SUMO3: variants seen among roughly 807,000 people sequenced by gnomAD.
SUMO3 encodes small ubiquitin like modifier 3, also known as small ubiquitin-related modifier 3.
SUMO3 carries 2 observed loss-of-function variants against 11.1 expected under a neutral mutation model. The ratio of observed to expected loss-of-function variants is 0.18; its 90% CI spans 0.07 to 0.57. The LOEUF (loss-of-function observed/expected upper bound fraction) is 0.57. Among genes scored for constraint, SUMO3 ranks in the 20% least tolerant of loss-of-function variants. SUMO3 has a pLI of 0.92. For missense variants in SUMO3, 70 were observed against 132.8 expected (o/e 0.53, Z 2.32); for synonymous variants, 56 against 53.5 (o/e 1.05, Z -0.20).
At chr21:44,812,914 C>T (rs907953941) in intron 2 of SUMO3, among the ~76,000 whole-genome samples, 4 of 152,258 alleles carry the variant, frequency 2.6e-5, no homozygotes, top group Admixed American at 6.5e-5. Context: ...GGCTGGATCA[C>T]GGGGCCTACA....
At position 44,806,649 on chromosome 21, in the gene SUMO3, T is replaced by G; in HGVS notation, c.*302A>C. 2.0e-6 allele frequency: 1 copy of G among 499,974 alleles called. No homozygotes were observed. 31.0% of individuals were successfully genotyped at this position (499,974 alleles called of 1,614,324 possible). A position where few individuals can be genotyped will look rare whatever the true frequency, so the allele number is the denominator to read the frequency against. ...TAAAAGCGAACATTCAGGCTATAAT[T>G]TTGGGGTTAAAAAAATGTTGTAGGA... is the stretch of plus-strand genomic sequence containing the variant. On this transcript the variant is annotated 3_prime_UTR_variant, in exon 4 of 4. Transcript: ENST00000332859.
chr21:44,810,273 T>C lies in SUMO3; in HGVS notation c.151-1155A>G, dbSNP rs886478516. On this transcript the variant is annotated intron_variant, in intron 2 of 3. Coordinates refer to ENST00000332859, the MANE Select transcript of SUMO3 (RefSeq NM_006936.3). This position sits in a 1 kb window ranked among gnomAD's most constrained non-coding sequence, Gnocchi z 4.1. ...AGGACAAAGAAAACGGGAGTGGGGATGGGCAGATATGTCAATGCTGGGCTG... is the reference window on the plus strand; with the variant it reads ...AGGACAAAGAAAACGGGAGTGGGGACGGGCAGATATGTCAATGCTGGGCTG... 1.3e-5 allele frequency among the ~76,000 whole-genome samples: 2 copies of C among 152,100 alleles called. No homozygotes were observed. Among genetic ancestry groups the C allele is most frequent in the Admixed American group, 6.5e-5 (1 of 15,268 alleles).
At chr21:44,813,765 T>C in intron 2 of SUMO3, 41 of 1,458,860 alleles carry the variant, frequency 2.8e-5, no homozygotes, top group Non-Finnish European at 3.5e-5. Context: ...TCCGAGCCTC[T>C]AGGTCCCTCC....
chr21:44,817,079 T>G (rs1473411656), intron 1 of SUMO3, among the ~76,000 whole-genome samples: 13 of 47,526 alleles, frequency 2.7e-4, no homozygotes, highest in African/African-American at 2.5e-4. Context: ...TAGGGAGGGG[T>G]GGGCGCACAC....
In SUMO3 at chr21:44,807,963, G is replaced by A. The variant is rs59498244; in HGVS notation, c.223-923C>T. Reference sequence around the variant, plus strand: ...AGGTTTCCTCAAGTAGGTACAAATGGATACTTGTTGCAAAGATGTTTTCAA... The same window carrying A: ...AGGTTTCCTCAAGTAGGTACAAATGAATACTTGTTGCAAAGATGTTTTCAA... On this transcript the variant is annotated intron_variant, in intron 3 of 3. Coordinates refer to ENST00000332859, the MANE Select transcript of SUMO3 (RefSeq NM_006936.3). The surrounding 1 kb of genome is among the most constrained non-coding windows in gnomAD (Gnocchi z 4.3). 9.6e-3 allele frequency among the ~76,000 whole-genome samples: 1,467 copies of A among 152,320 alleles called. 23 individuals carry two copies. The highest frequency in any genetic ancestry group is 0.033 in the African/African-American group (1,380 of 41,552).
intron 2 of SUMO3, among the ~76,000 whole-genome samples, chr21:44,812,053 CTTTTTTTTT>C (rs386394862): frequency 1.2e-5 from 1 of 80,960 alleles, no homozygotes; most frequent in African/African-American, 4.5e-5. Context: ...AACTTCTCAC[CTTTTTTTTT>C]TTTTTTTTTT....
intron 1 of SUMO3, among the ~76,000 whole-genome samples, chr21:44,816,646 T>C (rs2083245143): frequency 6.6e-6 from 1 of 152,178 alleles, no homozygotes; most frequent in Admixed American, 6.5e-5. Context: ...AAAGGTTCTC[T>C]TTTTATGAAC....
chr21:44,808,353 AT>A (rs1346787119), intron 3 of SUMO3: 1 of 484,064 alleles, frequency 2.1e-6, no homozygotes, highest in Admixed American at 4.2e-5. Flanking sequence ...TCTACTAAAA[AT>A]ACAAAAAAAT....
At position 44,814,080 on chromosome 21, in the gene SUMO3, G is replaced by T. The variant is rs770045480; in HGVS notation, c.46C>A (p.His16Asn). The change falls in exon 2 of 4, where the codon CAC becomes AAC. Residue 16 changes from histidine (H) to asparagine (N), a missense_variant. Transcript: ENST00000332859. Reference sequence around the variant, plus strand: ...TGCCCGGCCACCTTCAGGTTGATGTGGTCATTCTCTGTCTTCACACCCTCC... The same window carrying T: ...TGCCCGGCCACCTTCAGGTTGATGTTGTCATTCTCTGTCTTCACACCCTCC... The part of the protein sequence containing the change: ...PKEGVKTEND[H>N]INLKVAGQDG... The T allele has an allele frequency of 6.2e-7, 1 of 1,613,962 alleles. No homozygotes were observed. Among genetic ancestry groups the T allele is most frequent in the African/African-American group, 1.3e-5 (1 of 75,038 alleles).
At position 44,814,121 on chromosome 21, in the gene SUMO3, A is replaced by G. The variant is rs767972690; in HGVS notation, c.22-17T>C. 1 of 1,605,718 alleles carries G rather than the reference A, an allele frequency of 6.2e-7. No homozygotes were observed. The highest frequency in any genetic ancestry group is 8.5e-7 in the Non-Finnish European group (1 of 1,173,158). On this transcript the variant is annotated splice_polypyrimidine_tract_variant and intron_variant, in intron 1 of 3. Transcript: ENST00000332859. ...CACACCCTCCTGCAGAAGACACCAG[A>G]GACTGGCCTCAAAACTGTGTCTCAA...
At chr21:44,808,647 G>A (rs2083192849) in intron 3 of SUMO3, 17 of 1,382,748 alleles carry the variant, frequency 1.2e-5, no homozygotes, top group Non-Finnish European at 1.5e-5. Context: ...ATAATCAGGG[G>A]TTATGGCACA....
intron 1 of SUMO3, among the ~76,000 whole-genome samples, chr21:44,814,714 C>T (rs759261678): frequency 1.8e-4 from 27 of 152,216 alleles, no homozygotes; most frequent in Non-Finnish European, 3.5e-4. Context: ...CCACAGCAGG[C>T]GGCCAGGCTC....
At chr21:44,816,054 G>A (rs894228184) in intron 1 of SUMO3, among the ~76,000 whole-genome samples, 2 of 152,170 alleles carry the variant, frequency 1.3e-5, no homozygotes, top group African/African-American at 4.8e-5. Context: ...GGGCTCAGAG[G>A]GGACCCACCA....
In SUMO3 at chr21:44,806,201, G is replaced by C. The variant is rs1042100044; in HGVS notation, c.*750C>G. The C allele has an allele frequency of 7.9e-5, 12 of 151,996 alleles. No homozygotes were observed. The highest frequency in any genetic ancestry group is 2.9e-4 in the African/African-American group (12 of 41,440). The allele number at this position is 151,996 out of a possible 1,614,324, so 9.4% of individuals were successfully genotyped here. A position where few individuals can be genotyped will look rare whatever the true frequency, so the allele number is the denominator to read the frequency against. On this transcript the variant is annotated 3_prime_UTR_variant, in exon 4 of 4. Transcript: ENST00000332859. ...TCTTCAATATTAAGAGGGAGAAAAA[G>C]GCCAATTTTGGTTGTGCCAATCCTT...
At chr21:44,816,473 G>C (rs967463756) in intron 1 of SUMO3, among the ~76,000 whole-genome samples, 1 of 152,126 alleles carries the variant, frequency 6.6e-6, no homozygotes, top group African/African-American at 2.4e-5. Flanking sequence ...CCCACTTCCC[G>C]CCAGTGTCTG....
At position 44,806,943 on chromosome 21, in the gene SUMO3, C is replaced by G; in HGVS notation, c.*8G>C. The G allele has an allele frequency of 6.2e-7, 1 of 1,614,046 alleles. No homozygotes were observed. Among genetic ancestry groups the G allele is most frequent in the Non-Finnish European group, 8.5e-7 (1 of 1,180,002 alleles). On this transcript the variant is annotated 3_prime_UTR_variant, in exon 4 of 4. Transcript: ENST00000332859. Reference sequence around the variant, plus strand: ...GAGGATGGACGGCCCGGGCTGGGGACGGGCCCTCTAGAAACTGTGCCCTGC... The same window carrying G: ...GAGGATGGACGGCCCGGGCTGGGGAGGGGCCCTCTAGAAACTGTGCCCTGC...
Position 44,807,190 on chromosome 21 carries a change from C to A in SUMO3, c.223-150G>T. The A allele has an allele frequency of 1.1e-6, 1 of 900,096 alleles. No homozygotes were observed. The highest frequency in any genetic ancestry group is 1.7e-5 in the South Asian group (1 of 59,278). The allele number at this position is 900,096 out of a possible 1,614,324, so 55.8% of individuals were successfully genotyped here. A position where few individuals can be genotyped will look rare whatever the true frequency, so the allele number is the denominator to read the frequency against. ...TTGGCTCTTGTCCGTCCCCTCACTGCAGCTCAGCACGCATGGAAGAGGCAT... is the reference window on the plus strand; with the variant it reads ...TTGGCTCTTGTCCGTCCCCTCACTGAAGCTCAGCACGCATGGAAGAGGCAT... On this transcript the variant is annotated intron_variant, in intron 3 of 3. Transcript: ENST00000332859. This position sits in a 1 kb window ranked among gnomAD's most constrained non-coding sequence, Gnocchi z 4.3.
rs2083202499 is a variant in SUMO3, at chr21:44,810,282, A to G, written c.151-1164T>C. Among the ~76,000 whole-genome samples, 1 of 152,218 alleles carries G rather than the reference A, an allele frequency of 6.6e-6. No homozygotes were observed. The highest frequency in any genetic ancestry group is 1.5e-5 in the Non-Finnish European group (1 of 68,032). ...AAAACGGGAGTGGGGATGGGCAGAT[A>G]TGTCAATGCTGGGCTGAGCCAGAGG... On this transcript the variant is annotated intron_variant, in intron 2 of 3. Transcript: ENST00000332859. This position sits in a 1 kb window ranked among gnomAD's most constrained non-coding sequence, Gnocchi z 4.1.
intron 3 of SUMO3, chr21:44,808,603 G>A: frequency 7.3e-7 from 1 of 1,369,946 alleles, no homozygotes; most frequent in South Asian, 1.9e-5. Flanking sequence ...ATTCATGTCT[G>A]CATGTGCCTG....
Sources: gnomAD v4.1 joint callset for allele counts (sites outside exome capture counted in the v4.1 genomes callset) on GRCh38, gnomAD v4.1.1 for gene constraint, Gnocchi (gnomAD v3.1) non-coding constraint, MANE v1.5 for transcripts, NCBI Gene and HGNC (gene_info 2026-07-23, HGNC 2026-07-21) for gene names.